The following WDR7 variants were observed in gnomAD, a reference collection of about 807,000 sequenced individuals.
WDR7 encodes the protein WD repeat-containing protein 7.
In WDR7, 46 loss-of-function variants were observed where a neutral mutation model predicts 169.4. The ratio of observed to expected loss-of-function variants is 0.27; its 90% CI spans 0.21 to 0.35. The LOEUF is 0.35. Among genes scored for constraint, WDR7 ranks in the 10% least tolerant of loss-of-function variants. The pLI, the probability that WDR7 is intolerant of heterozygous loss-of-function variation, is 1.00. For synonymous variants in WDR7, 612 were observed against 666.8 expected, an observed-to-expected ratio of 0.92 and a Z score of 1.27; for missense variants, 1,534 against 1,859.3, an observed-to-expected ratio of 0.83 and a Z score of 3.22.
At chr18:56,690,676 G>A (rs1451481115) in intron 7 of WDR7, among the ~76,000 whole-genome samples, 2 of 151,932 alleles carry the variant, frequency 1.3e-5, no homozygotes, top group African/African-American at 4.8e-5. Context: ...AAAAAAGTTA[G>A]CAGGGCATGG....
intron 20 of WDR7, among the ~76,000 whole-genome samples, chr18:56,874,267 T>G (rs971110340): frequency 1.3e-5 from 2 of 152,198 alleles, no homozygotes; most frequent in Admixed American, 1.3e-4. Context: ...GCAATGATTA[T>G]TGATTTTTTT....
At chr18:56,855,588 T>C (rs1238431250) in intron 20 of WDR7, among the ~76,000 whole-genome samples, 1 of 152,196 alleles carries the variant, frequency 6.6e-6, no homozygotes, top group East Asian at 1.9e-4. Context: ...TTGATTCATA[T>C]AAATAAACAT....
intron 12 of WDR7, among the ~76,000 whole-genome samples, chr18:56,710,927 G>T (rs1156900983): frequency 6.6e-6 from 1 of 151,940 alleles, no homozygotes; most frequent in African/African-American, 2.4e-5. Flanking sequence ...TAGAATCTTT[G>T]TCCAAGTTGA....
At chr18:56,820,083 C>T (rs1244233662) in intron 20 of WDR7, among the ~76,000 whole-genome samples, 1 of 151,816 alleles carries the variant, frequency 6.6e-6, no homozygotes, top group East Asian at 1.9e-4. Context: ...TGTCTTTTAT[C>T]ATGGTACAGT....
rs930208256 is a variant in WDR7, at chr18:56,957,722, G to GA, written c.4065-4701dup. 3.5e-4 allele frequency among the ~76,000 whole-genome samples: 53 copies of GA among 152,106 alleles called. 1 individual carries two copies. The highest frequency in any genetic ancestry group is 1.2e-3 in the African/African-American group (51 of 41,524). On this transcript the variant is annotated intron_variant, in intron 25 of 27. Coordinates refer to ENST00000254442, the MANE Select transcript of WDR7 (RefSeq NM_015285.3). ...GTAGTAGTTGTGGTATTATTTTGGG[G>GA]AAAAAAAGATAGTTTTATTCCCTAT...
chr18:56,727,798 G>A (rs1010521301), intron 13 of WDR7, among the ~76,000 whole-genome samples: 12 of 151,980 alleles, frequency 7.9e-5, no homozygotes, highest in African/African-American at 2.9e-4. Context: ...CTCACTCTTG[G>A]GGTATACATT....
chr18:56,806,244 A>G (rs2044771228), intron 19 of WDR7, among the ~76,000 whole-genome samples: 1 of 152,290 alleles, frequency 6.6e-6, no homozygotes, highest in Non-Finnish European at 1.5e-5. Flanking sequence ...TAGAATAACT[A>G]TCATTCAAAA....
intron 26 of WDR7, among the ~76,000 whole-genome samples, chr18:56,983,568 CACAGAGAG>C (rs150135189): frequency 0.045 from 6,569 of 145,258 alleles, 249 homozygotes; most frequent in African/African-American, 0.11. Context: ...CACACACACA[CACAGAGAG>C]AGAGAGAGAG....
At position 56,916,122 on chromosome 18, in the gene WDR7, A is replaced by AT. The variant is rs933061569; in HGVS notation, c.3527-7792dup. ...AACATCAATGGAAAACTTAGACAAA[A>AT]TTTTTTTTATTATATTTTAAGTTCT... On this transcript the variant is annotated intron_variant, in intron 21 of 27. Transcript: ENST00000254442. 4.6e-5 allele frequency among the ~76,000 whole-genome samples: 7 copies of AT among 152,136 alleles called. No homozygotes were observed. The East Asian group carries it at 1.2e-3, about 25-fold the overall frequency.
chr18:56,932,512 G>A (rs144937813), intron 22 of WDR7, among the ~76,000 whole-genome samples: 6 of 152,260 alleles, frequency 3.9e-5, no homozygotes, highest in Non-Finnish European at 8.8e-5. Context: ...GTGTGGCTAG[G>A]CCTCTTGGCT....
At chr18:56,736,807 A>G (rs1314222262) in intron 14 of WDR7, among the ~76,000 whole-genome samples, 3 of 152,098 alleles carry the variant, frequency 2.0e-5, no homozygotes, top group African/African-American at 7.2e-5. Flanking sequence ...GGAGGGTAGT[A>G]GCTTCAGTGT....
chr18:56,930,602 C>T (rs1025285784), intron 22 of WDR7, among the ~76,000 whole-genome samples: 6 of 152,030 alleles, frequency 3.9e-5, no homozygotes, highest in African/African-American at 7.2e-5. Context: ...AATAAAGGTA[C>T]GACATGACAG....
At chr18:56,912,569 C>T (rs1272771141) in intron 21 of WDR7, among the ~76,000 whole-genome samples, 1 of 152,152 alleles carries the variant, frequency 6.6e-6, no homozygotes, top group African/African-American at 2.4e-5. Flanking sequence ...TGCCTTTCAC[C>T]CTACTAAAAT....
At chr18:56,777,944 T>A (rs2044264757) in intron 17 of WDR7, among the ~76,000 whole-genome samples, 1 of 152,196 alleles carries the variant, frequency 6.6e-6, no homozygotes, top group African/African-American at 2.4e-5. Flanking sequence ...ATTTGTTAAT[T>A]CAAAAAATAA....
At chr18:56,916,913 A>G (rs575792219) in intron 21 of WDR7, among the ~76,000 whole-genome samples, 15 of 152,266 alleles carry the variant, frequency 9.9e-5, no homozygotes, top group Middle Eastern at 3.4e-3. Flanking sequence ...GATACCAAAA[A>G]TTAGCCGGGC....
chr18:56,687,869 C>G (rs149591931), intron 7 of WDR7, among the ~76,000 whole-genome samples: 74 of 152,284 alleles, frequency 4.9e-4, no homozygotes, highest in African/African-American at 1.6e-3. Context: ...CTCAGGCGAT[C>G]CTCCTGCCTC....
intron 20 of WDR7, among the ~76,000 whole-genome samples, chr18:56,855,055 T>C (rs1211106627): frequency 6.6e-6 from 1 of 152,182 alleles, no homozygotes; most frequent in Non-Finnish European, 1.5e-5. Context: ...TTATCCAAGA[T>C]GTATGAGAGA....
intron 12 of WDR7, among the ~76,000 whole-genome samples, chr18:56,706,993 T>TA (rs1555679961): frequency 3.4e-4 from 52 of 150,740 alleles, no homozygotes; most frequent in African/African-American, 6.6e-4. Context: ...TTTTTATTTT[T>TA]TTTTTTGAGA....
At chr18:56,687,019 G>A in intron 7 of WDR7, 45 bp downstream of exon 7, 1 of 1,534,866 alleles carries the variant, frequency 6.5e-7, no homozygotes, top group Non-Finnish European at 8.8e-7. Context: ...TATCCTTCAA[G>A]ACATTGGTTT....
Sources: gnomAD v4.1 joint callset for allele counts (sites outside exome capture counted in the v4.1 genomes callset) on GRCh38, gnomAD v4.1.1 for gene constraint, MANE v1.5 for transcripts, NCBI Gene and HGNC (gene_info 2026-07-23, HGNC 2026-07-21) for gene names.